The following ARMC9 variants were observed in gnomAD, a reference collection of about 807,000 sequenced individuals.
ARMC9 encodes armadillo repeat containing 9, also known as lisH domain-containing protein ARMC9.
In ARMC9, 94 loss-of-function variants were observed where a neutral mutation model predicts 107.0. That is an observed-to-expected ratio of 0.88 (90% CI 0.74 to 1.04). ARMC9 has a LOEUF of 1.04. Among genes scored for constraint, ARMC9 ranks in the 50% least tolerant of loss-of-function variants. The pLI is 0.00. For synonymous variants in ARMC9, 380 were observed against 396.9 expected, an observed-to-expected ratio of 0.96 and a Z score of 0.51; for missense variants, 942 against 1,030.1, an observed-to-expected ratio of 0.91 and a Z score of 1.17.
At position 231,358,733 on chromosome 2, in the gene ARMC9, T is replaced by G. The variant is rs1317762508; in HGVS notation, c.2132-2021T>G. Reference sequence around the variant, plus strand: ...TCATGAGGAGGAACCTGTTGGACCCTCAAACTGCTTGATCGGTTGAGTGCA... The same window carrying G: ...TCATGAGGAGGAACCTGTTGGACCCGCAAACTGCTTGATCGGTTGAGTGCA... On this transcript the variant is annotated intron_variant, in intron 22 of 24. Transcript: ENST00000611582. This position sits in a 1 kb window ranked among gnomAD's most constrained non-coding sequence, Gnocchi z 4.5. Among the ~76,000 whole-genome samples, 1 of 152,164 alleles carries G rather than the reference T, an allele frequency of 6.6e-6. No individual in the cohort carries two copies. Among genetic ancestry groups the G allele is most frequent in the Non-Finnish European group, 1.5e-5 (1 of 68,044 alleles).
chr2:231,343,297 C>T (rs2044630074), intron 20 of ARMC9, among the ~76,000 whole-genome samples: 1 of 151,374 alleles, frequency 6.6e-6, no homozygotes, highest in Admixed American at 6.6e-5. Context: ...CCCGTAGGCA[C>T]TGGCCCTTTT....
intron 19 of ARMC9, among the ~76,000 whole-genome samples, chr2:231,328,832 T>TTTTTTTTTTTTTTTTTTTTTTTTTC (rs2043521029): frequency 6.9e-6 from 1 of 145,086 alleles, no homozygotes; most frequent in African/African-American, 2.5e-5. Flanking sequence ...TTTTTTTTTT[T>TTTTTTTTTTTTTTTTTTTTTTTTTC]GAGTCGGAGT....
rs2046059262 is a variant in ARMC9 at position 231,372,496 on chromosome 2, G to C, written c.*961G>C. The C allele has an allele frequency of 6.6e-6, 1 of 152,264 alleles. No individual in the cohort carries two copies. Among genetic ancestry groups the C allele is most frequent in the Non-Finnish European group, 1.5e-5 (1 of 68,088 alleles). 9.4% of individuals were successfully genotyped at this position (152,264 alleles called of 1,614,324 possible). On this transcript the variant is annotated 3_prime_UTR_variant, in exon 25 of 25. Coordinates refer to ENST00000611582, the MANE Select transcript of ARMC9 (RefSeq NM_001352754.2). ...GGGAGCACCCTCTGCCTCCCTCCCT[G>C]CACTGGGACCATAAACATAAACAGC... is the stretch of plus-strand genomic sequence containing the variant.
At chr2:231,226,678 A>C in intron 6 of ARMC9, 96 bp from the exon 7 acceptor site, 3 of 1,410,358 alleles carry the variant, frequency 2.1e-6, no homozygotes, top group Non-Finnish European at 3.0e-6. Flanking sequence ...CTGTTTCATC[A>C]TGCTGAGGTG....
intron 11 of ARMC9, among the ~76,000 whole-genome samples, chr2:231,260,378 A>G (rs2038220033): frequency 6.6e-6 from 1 of 152,204 alleles, no homozygotes. Context: ...GACTCAAGCC[A>G]ACAGTGGTTG....
Position 231,255,544 on chromosome 2 carries a change from GT to G in ARMC9, c.880-1034del, listed in dbSNP as rs200186461. Among the ~76,000 whole-genome samples the G allele has an allele frequency of 6.6e-6, 1 of 151,774 alleles. No homozygotes were observed. The highest frequency in any genetic ancestry group is 2.4e-5 in the African/African-American group (1 of 41,390). On this transcript the variant is annotated intron_variant, in intron 9 of 24. Coordinates refer to ENST00000611582, the MANE Select transcript of ARMC9 (RefSeq NM_001352754.2). This position sits in a 1 kb window ranked among gnomAD's most constrained non-coding sequence, Gnocchi z 4.7. ...GATTTTTTTTTGTTTGGTTGTTTTT[GT>G]TTTTTTTCTAAAGAAAATAAAGGAA...
At chr2:231,341,463 G>A (rs557906428) in intron 20 of ARMC9, among the ~76,000 whole-genome samples, 10 of 152,312 alleles carry the variant, frequency 6.6e-5, no homozygotes, top group Admixed American at 5.9e-4. Context: ...CTAGCTGCAC[G>A]GGAGTCTGGG....
Position 231,369,981 on chromosome 2 carries a change from C to A in ARMC9, c.2290C>A (p.Pro764Thr). ...RECASAFTCK[P>T]RAPCTPEMLD... Reference sequence around the variant, plus strand: ...ATGTGCATCAGCCTTCACCTGCAAGCCCCGGGCCCCCTGCACTCCAGAGAT... The same window carrying A: ...ATGTGCATCAGCCTTCACCTGCAAGACCCGGGCCCCCTGCACTCCAGAGAT... The change falls in exon 24 of 25, where the codon CCC becomes ACC. Residue 764 changes from proline (P) to threonine (T), a missense_variant. Physicochemically the swap from Pro to Thr is conservative, Grantham distance 38 (BLOSUM62 -1). Transcript: ENST00000611582. 1.3e-6 allele frequency: 2 copies of A among 1,528,694 alleles called. No homozygotes were observed. The highest frequency in any genetic ancestry group is 1.8e-6 in the Non-Finnish European group (2 of 1,142,170). The allele number at this position is 1,528,694 out of a possible 1,614,324, so 94.7% of individuals were successfully genotyped here.
At chr2:231,215,619 G>A (rs2033413039) in intron 4 of ARMC9, among the ~76,000 whole-genome samples, 1 of 152,210 alleles carries the variant, frequency 6.6e-6, no homozygotes, top group African/African-American at 2.4e-5. Context: ...AGAGGAGAAG[G>A]CTGAAATGTG....
At chr2:231,296,116 G>A in intron 18 of ARMC9, 82 bp from the exon 19 acceptor site, 2 of 1,030,226 alleles carry the variant, frequency 1.9e-6, no homozygotes, top group Non-Finnish European at 2.9e-6. Flanking sequence ...AGGTGTTTAT[G>A]TCTCTGCAGA....
rs115680963 is a variant in ARMC9, at chr2:231,260,762, C to T, written c.1027-1544C>T. ...TTTTATGCGGCTCTTGGTTTACTGA[C>T]GCTGCACTTCCTCTCAGTCCGTGCT... On this transcript the variant is annotated intron_variant, in intron 11 of 24. Transcript: ENST00000611582. Among the ~76,000 whole-genome samples, 854 of 152,310 alleles carry T rather than the reference C, an allele frequency of 5.6e-3. 6 individuals are homozygous for T. Among genetic ancestry groups the T allele is most frequent in the African/African-American group, 0.019 (800 of 41,564 alleles).
chr2:231,240,908 G>T (rs2036234952), intron 9 of ARMC9, among the ~76,000 whole-genome samples: 1 of 152,096 alleles, frequency 6.6e-6, no homozygotes, highest in South Asian at 2.1e-4. Context: ...AAAAAAAATA[G>T]AACATTTTGC....
At chr2:231,303,186 A>C (rs2041859599) in intron 19 of ARMC9, among the ~76,000 whole-genome samples, 1 of 152,232 alleles carries the variant, frequency 6.6e-6, no homozygotes, top group Admixed American at 6.5e-5. Context: ...TGAATTTATT[A>C]GCTCAAAGAG....
chr2:231,368,748 C>T (rs1454081935), intron 23 of ARMC9, among the ~76,000 whole-genome samples: 1 of 152,116 alleles, frequency 6.6e-6, no homozygotes, highest in Non-Finnish European at 1.5e-5. Flanking sequence ...CCTAGCCTCC[C>T]AAGTAGCTGG....
chr2:231,364,360 G>A (rs1030655205), intron 23 of ARMC9, among the ~76,000 whole-genome samples: 5 of 152,240 alleles, frequency 3.3e-5, no homozygotes, highest in African/African-American at 7.2e-5. Context: ...CAAAAATCTT[G>A]TCCTGCCACA....
chr2:231,242,777 A>C (rs1202042900), intron 9 of ARMC9, among the ~76,000 whole-genome samples: 1 of 152,196 alleles, frequency 6.6e-6, no homozygotes, highest in African/African-American at 2.4e-5. Context: ...CCATCCTTAC[A>C]TTCCCATCTT....
chr2:231,203,121 G>A (rs1391597014), intron 1 of ARMC9, among the ~76,000 whole-genome samples: 2 of 151,956 alleles, frequency 1.3e-5, no homozygotes, highest in African/African-American at 4.8e-5. Context: ...GTTGACTGTC[G>A]AGCCACCCTT....
chr2:231,280,339 T>G (rs2040110412), intron 16 of ARMC9, among the ~76,000 whole-genome samples: 1 of 152,092 alleles, frequency 6.6e-6, no homozygotes, highest in Admixed American at 6.6e-5. Context: ...GTGCCTGTAA[T>G]CCTAGCTACT....
chr2:231,310,998 G>C (rs1046512081), intron 19 of ARMC9, among the ~76,000 whole-genome samples: 1 of 151,186 alleles, frequency 6.6e-6, no homozygotes, highest in Non-Finnish European at 1.5e-5. Flanking sequence ...GTGCTTGTGC[G>C]TAACTGTAGT....
Sources: gnomAD v4.1 joint callset for allele counts (sites outside exome capture counted in the v4.1 genomes callset) on GRCh38, gnomAD v4.1.1 for gene constraint, Gnocchi (gnomAD v3.1) non-coding constraint, MANE v1.5 for transcripts, NCBI Gene and HGNC (gene_info 2026-07-23, HGNC 2026-07-21) for gene names.